EPS15: variants seen among roughly 807,000 people sequenced by gnomAD.
EPS15 encodes epidermal growth factor receptor pathway substrate 15, also known as epidermal growth factor receptor substrate 15.
Under a neutral mutation model 113.8 loss-of-function variants are expected in EPS15, and 72 were observed. That is an observed-to-expected ratio of 0.63 (90% CI 0.52 to 0.77). The LOEUF is 0.77. EPS15 is among the 30% of genes least tolerant of loss of function. EPS15 has a pLI of 0.00. For synonymous variants in EPS15, 344 were observed against 363.4 expected (o/e 0.95, Z 0.61); for missense variants, 1,048 against 1,045.8 (o/e 1.00, Z -0.03).
chr1:51,444,287 T>A (rs1280690989), intron 11 of EPS15, among the ~76,000 whole-genome samples: 1 of 152,210 alleles, frequency 6.6e-6, no homozygotes, highest in African/African-American at 2.4e-5. Context: ...AAGGCATGAC[T>A]AAAACAATGA....
At position 51,354,839 on chromosome 1, in the gene EPS15, T is replaced by C. The variant is rs1279390069; in HGVS notation, c.*1861A>G. The C allele has an allele frequency of 5.0e-6, 1 of 201,050 alleles. No homozygotes were observed. The highest frequency in any genetic ancestry group is 1.0e-5 in the Non-Finnish European group (1 of 97,310). The allele number at this position is 201,050 out of a possible 1,614,324, so 12.5% of individuals were successfully genotyped here. ...TTATTACATTGAAAGTTGGTGTTTATAAGTTATAGATATTTAATATTTGAG... is the reference window on the plus strand; with the variant it reads ...TTATTACATTGAAAGTTGGTGTTTACAAGTTATAGATATTTAATATTTGAG... On this transcript the variant is annotated 3_prime_UTR_variant, in exon 25 of 25. Transcript: ENST00000371733.
At chr1:51,358,278 G>A (rs1646287868) in intron 24 of EPS15, among the ~76,000 whole-genome samples, 1 of 150,398 alleles carries the variant, frequency 6.6e-6, no homozygotes, top group Non-Finnish European at 1.5e-5. Flanking sequence ...TCGACGGAGT[G>A]AGCCAAAAAA....
chr1:51,483,577 G>A (rs1006018274), intron 1 of EPS15, among the ~76,000 whole-genome samples: 3 of 151,986 alleles, frequency 2.0e-5, no homozygotes, highest in Admixed American at 6.6e-5. Context: ...GGAGGCCAAG[G>A]TGGGCGGATC....
At chr1:51,494,220 A>G (rs187448132) in intron 1 of EPS15, among the ~76,000 whole-genome samples, 161 of 152,280 alleles carry the variant, frequency 1.1e-3, no homozygotes, top group African/African-American at 3.6e-3. Flanking sequence ...TTGCCCTTCT[A>G]TCTTCAACCA....
chr1:51,434,861 G>A (rs1241508647), intron 12 of EPS15, among the ~76,000 whole-genome samples: 1 of 151,986 alleles, frequency 6.6e-6, no homozygotes, highest in African/African-American at 2.4e-5. Context: ...TAGTAGAGAC[G>A]GAGTTTCATC....
At chr1:51,515,642 T>G (rs1406554019) in intron 1 of EPS15, among the ~76,000 whole-genome samples, 1 of 152,204 alleles carries the variant, frequency 6.6e-6, no homozygotes, top group Admixed American at 6.5e-5. Flanking sequence ...TCCAAGATAT[T>G]ATCAAAGGCA....
chr1:51,449,942 G>T (rs1653400597), intron 8 of EPS15, among the ~76,000 whole-genome samples: 1 of 151,798 alleles, frequency 6.6e-6, no homozygotes, highest in Non-Finnish European at 1.5e-5. Flanking sequence ...TGTGGAAAAG[G>T]CATAAGGGAG....
intron 5 of EPS15, among the ~76,000 whole-genome samples, chr1:51,466,631 A>T (rs1654864575): frequency 1.3e-5 from 2 of 151,874 alleles, no homozygotes; most frequent in African/African-American, 4.8e-5. Flanking sequence ...CTCAAAAAAA[A>T]ATAAATAAAT....
intron 20 of EPS15, among the ~76,000 whole-genome samples, chr1:51,396,457 T>C (rs1438319959): frequency 1.3e-5 from 2 of 152,210 alleles, no homozygotes; most frequent in Admixed American, 6.5e-5. Flanking sequence ...AGTGCTGACA[T>C]GATACTCAGG....
intron 20 of EPS15, among the ~76,000 whole-genome samples, chr1:51,397,523 G>A (rs1648068071): frequency 6.6e-6 from 1 of 152,182 alleles, no homozygotes; most frequent in Non-Finnish European, 1.5e-5. Flanking sequence ...ATAAGAAGGT[G>A]AGAGGAGAAG....
intron 8 of EPS15, among the ~76,000 whole-genome samples, chr1:51,455,919 A>C (rs1653961908): frequency 6.6e-6 from 1 of 152,066 alleles, no homozygotes; most frequent in African/African-American, 2.4e-5. Flanking sequence ...GGTCATGCCA[A>C]GGCCTAACTT....
rs370579483 is a variant in EPS15, at chr1:51,514,051, G to A, written c.33+5148C>T. 2.8e-4 allele frequency among the ~76,000 whole-genome samples: 42 copies of A among 152,228 alleles called. 1 individual carries two copies. The South Asian group carries it at 6.8e-3, about 25-fold the overall frequency. On this transcript the variant is annotated intron_variant, in intron 1 of 24. Transcript: ENST00000371733. ...ACAACCATGCTACTATAAAATTTTA[G>A]TGTTTTTTTTCTTCCAGGCTTTCTT...
intron 20 of EPS15, among the ~76,000 whole-genome samples, 173 bp from the exon 21 acceptor site, chr1:51,394,620 C>A (rs998725093): frequency 6.6e-6 from 1 of 152,170 alleles, no homozygotes; most frequent in Non-Finnish European, 1.5e-5. Context: ...GGAAATAATA[C>A]ATATTATTTT....
rs113331972 is a variant in EPS15, at chr1:51,363,111, A to C, written c.2359+755T>G. Among the ~76,000 whole-genome samples the C allele has an allele frequency of 5.4e-3, 818 of 152,246 alleles. 6 individuals are homozygous for C. The highest frequency in any genetic ancestry group is 9.3e-3 in the Non-Finnish European group (630 of 68,002). ...TCAGGAGGTAGAGACCAGCGTGGCCAACATGGTGAAACCCCATCTCTGCTA... is the reference window on the plus strand; with the variant it reads ...TCAGGAGGTAGAGACCAGCGTGGCCCACATGGTGAAACCCCATCTCTGCTA... On this transcript the variant is annotated intron_variant, in intron 23 of 24. Transcript: ENST00000371733.
chr1:51,402,802 GGCT>G (rs1460511790), intron 17 of EPS15, among the ~76,000 whole-genome samples: 2 of 152,116 alleles, frequency 1.3e-5, no homozygotes, highest in East Asian at 3.9e-4. Context: ...CTACTCAGGA[GGCT>G]GAGGCAGGAG....
At chr1:51,484,414 A>T (rs1030866073) in intron 1 of EPS15, among the ~76,000 whole-genome samples, 1 of 152,048 alleles carries the variant, frequency 6.6e-6, no homozygotes, top group African/African-American at 2.4e-5. Context: ...AAAATTTTTT[A>T]AATAAAAAAT....
chr1:51,463,911 A>G (rs1303470542), intron 6 of EPS15, 113 bp from the exon 7 acceptor site: 1 of 521,830 alleles, frequency 1.9e-6, no homozygotes, highest in Non-Finnish European at 3.3e-6. Context: ...ACTATCATTT[A>G]AAAAACATTT....
intron 12 of EPS15, among the ~76,000 whole-genome samples, chr1:51,428,192 C>G (rs1315170278): frequency 6.6e-6 from 1 of 151,974 alleles, no homozygotes; most frequent in Non-Finnish European, 1.5e-5. Context: ...CTCAGACAAA[C>G]AAAGGCTGAG....
chr1:51,408,708 G>A (rs1199910633), intron 14 of EPS15, among the ~76,000 whole-genome samples: 1 of 151,804 alleles, frequency 6.6e-6, no homozygotes, highest in Non-Finnish European at 1.5e-5. Context: ...CAGACTTCAG[G>A]CTCAACTTTC....
Sources: gnomAD v4.1 joint callset for allele counts (sites outside exome capture counted in the v4.1 genomes callset) on GRCh38, gnomAD v4.1.1 for gene constraint, MANE v1.5 for transcripts, NCBI Gene and HGNC (gene_info 2026-07-23, HGNC 2026-07-21) for gene names.